The following SYNJ2 variants were observed in gnomAD, a reference collection of about 807,000 sequenced individuals.
The protein encoded by SYNJ2 is synaptojanin 2.
A neutral mutation model predicts 141.3 loss-of-function variants in SYNJ2; 116 were observed. The observed-to-expected ratio is 0.82, with a 90% confidence interval of 0.71 to 0.96. SYNJ2 has a LOEUF of 0.96. SYNJ2 is among the 40% of genes least tolerant of loss of function. The pLI is 0.00. For missense variants in SYNJ2, 1,873 were observed against 1,934.8 expected (o/e 0.97, Z 0.60); for synonymous variants, 745 against 777.7 (o/e 0.96, Z 0.70).
chr6:158,066,312 A>G lies in SYNJ2; in HGVS notation c.1526-132A>G. 6.0e-6 allele frequency: 6 copies of G among 1,006,040 alleles called. No homozygotes were observed. In the South Asian group the frequency reaches 9.7e-5, roughly 16 times the overall value. 62.3% of individuals were successfully genotyped at this position (1,006,040 alleles called of 1,614,324 possible). A position where few individuals can be genotyped will look rare whatever the true frequency, so the allele number is the denominator to read the frequency against. ...TTTTAAGCCTTTTGTCGTCTTCGTA[A>G]GGAGCATACCCTGGTTTATCTCTAG... is the stretch of plus-strand genomic sequence containing the variant. On this transcript the variant is annotated intron_variant, in intron 11 of 26. Coordinates refer to ENST00000355585, the MANE Select transcript of SYNJ2 (RefSeq NM_003898.4).
intron 1 of SYNJ2, among the ~76,000 whole-genome samples, chr6:157,984,219 C>T (rs1053767526): frequency 3.3e-5 from 5 of 152,196 alleles, no homozygotes; most frequent in Non-Finnish European, 7.3e-5. Flanking sequence ...CATTTGGTGG[C>T]TTTGCTGGTC....
rs770669836 is a variant in SYNJ2 at position 158,043,326 on chromosome 6, T to C, written c.722T>C (p.Met241Thr). The C allele has an allele frequency of 8.7e-6, 14 of 1,613,964 alleles. 1 individual carries two copies. Among genetic ancestry groups the C allele is most frequent in the South Asian group, 3.3e-5 (3 of 91,090 alleles). The change falls in exon 5 of 27, where the codon ATG becomes ACG. Residue 241 changes from methionine (M) to threonine (T), a missense_variant. Met to Thr is a moderately conservative substitution (Grantham distance 81, BLOSUM62 -1). Transcript: ENST00000355585. The surrounding 1 kb of genome is among the most constrained non-coding windows in gnomAD (Gnocchi z 4.0). ...TTCCTTGTGCCGCAGATGATTTACA[T>C]GGACGATGGAGTGTCATCTTTTGTC... ...NFVETEQMIY[M>T]DDGVSSFVQI...
In SYNJ2 at chr6:158,084,153, A is replaced by C. The variant is rs749632069; in HGVS notation, c.3187A>C (p.Lys1063Gln). Residue 1063 changes from lysine to glutamine, a missense_variant, in exon 22 of 27, where the codon AAG becomes CAG. Transcript: ENST00000355585. This position sits in a 1 kb window ranked among gnomAD's most constrained non-coding sequence, Gnocchi z 5.0. ...PSKSPALTKK[K>Q]QHPTYKDDAD... ...CAAGTCACCTGCTCTCACCAAAAAG[A>C]AGCAGCATCCAACGTACAAAGGTAG... The C allele has an allele frequency of 5.6e-6, 9 of 1,614,040 alleles. No homozygotes were observed. Among genetic ancestry groups the C allele is most frequent in the East Asian group, 2.2e-5 (1 of 44,882 alleles).
At chr6:157,986,078 C>T (rs1002652949) in intron 1 of SYNJ2, among the ~76,000 whole-genome samples, 4 of 152,126 alleles carry the variant, frequency 2.6e-5, no homozygotes, top group African/African-American at 7.2e-5. Context: ...TATTTGGTCA[C>T]GGACTGGAAT....
chr6:158,064,936 C>A lies in SYNJ2; in HGVS notation c.1470C>A (p.Tyr490Ter). 1 of 1,612,906 alleles carries A rather than the reference C, an allele frequency of 6.2e-7. No individual in the cohort carries two copies. The highest frequency in any genetic ancestry group is 8.5e-7 in the Non-Finnish European group (1 of 1,179,490). The change falls in exon 11 of 27, where the codon TAC becomes TAA. Residue 490 changes from tyrosine to a stop codon, truncating the protein, a stop_gained. Transcript: ENST00000355585. LOFTEE classifies it high-confidence loss of function. Reference protein sequence around the residue: ...AIKLLLVGDVYGEEVADKGGM... With the variant: ...AIKLLLVGDV The stretch of plus-strand genomic sequence containing the variant: ...AGCTGCTGCTGGTTGGGGACGTCTA[C>A]GGCGAGGAGGTGGCAGACAAAGGGG...
intron 5 of SYNJ2, among the ~76,000 whole-genome samples, chr6:158,047,324 C>T (rs2257191): frequency 0.37 from 56,326 of 151,884 alleles, 10,901 homozygotes; most frequent in African/African-American, 0.39. Flanking sequence ...AGCTTTGAAG[C>T]GACGCAGACC....
chr6:158,059,755 A>G (rs1781096185), intron 7 of SYNJ2, among the ~76,000 whole-genome samples: 1 of 152,044 alleles, frequency 6.6e-6, no homozygotes, highest in African/African-American at 2.4e-5. Flanking sequence ...GGGTTTCACC[A>G]TGTTGTTCAG....
In SYNJ2 at chr6:158,084,283, C is replaced by G; in HGVS notation, c.3208+109C>G. 1.5e-6 allele frequency: 2 copies of G among 1,291,740 alleles called. No individual in the cohort carries two copies. The highest frequency in any genetic ancestry group is 1.1e-6 in the Non-Finnish European group (1 of 941,724). 80.0% of individuals were successfully genotyped at this position (1,291,740 alleles called of 1,614,324 possible). A position where few individuals can be genotyped will look rare whatever the true frequency, so the allele number is the denominator to read the frequency against. On this transcript the variant is annotated intron_variant, in intron 22 of 26. Transcript: ENST00000355585. This position sits in a 1 kb window ranked among gnomAD's most constrained non-coding sequence, Gnocchi z 5.0. ...ACTGTGTGATATCAAGTATGCAGGT[C>G]CCAGGAGAGACCTCAACCAGGCAGG...
intron 20 of SYNJ2, 32 bp downstream of exon 20, chr6:158,081,542 G>A: frequency 6.3e-7 from 1 of 1,592,658 alleles, no homozygotes; most frequent in Non-Finnish European, 8.6e-7. Context: ...TGTGGAGTGG[G>A]GTCTGATCAA....
At chr6:158,083,881 C>A (rs1181174684) in intron 21 of SYNJ2, 120 bp from the exon 22 acceptor site, 6 of 1,230,174 alleles carry the variant, frequency 4.9e-6, no homozygotes, top group African/African-American at 4.5e-5. Flanking sequence ...CGCCTGGGCC[C>A]TGAGCTGCAG....
rs568942780 is a variant in SYNJ2, at chr6:158,076,902, G to C, written c.2449+120G>C. 4.7e-6 allele frequency: 6 copies of C among 1,287,396 alleles called. No homozygotes were observed. The South Asian group carries it at 8.1e-5, about 17-fold the overall frequency. 79.7% of individuals were successfully genotyped at this position (1,287,396 alleles called of 1,614,324 possible). ...ATAAATCAGTTTCTTCATAACCCCA[G>C]ATGACACAAAAGTCATCCCAGACCT... is the stretch of plus-strand genomic sequence containing the variant. On this transcript the variant is annotated intron_variant, in intron 17 of 26. Transcript: ENST00000355585.
intron 16 of SYNJ2, among the ~76,000 whole-genome samples, chr6:158,075,673 A>G (rs1782239142): frequency 6.6e-6 from 1 of 151,976 alleles, no homozygotes; most frequent in South Asian, 2.1e-4. Flanking sequence ...AGGGCAGATA[A>G]GGTCTCTCCT....
At chr6:158,054,855 A>G (rs112068230) in intron 5 of SYNJ2, 112 bp from the exon 6 acceptor site, 218 of 1,055,226 alleles carry the variant, frequency 2.1e-4, no homozygotes, top group African/African-American at 2.0e-3. Flanking sequence ...GAGGTGGCCT[A>G]GTGGGTGCCA....
At position 158,026,149 on chromosome 6, in the gene SYNJ2, T is replaced by G. The variant is rs372347310; in HGVS notation, c.215-2607T>G. On this transcript the variant is annotated intron_variant, in intron 2 of 26. Transcript: ENST00000355585. ...GCTTGGGCGGGTGATTCAGCTTCCC[T>G]GGGGGACAGTCATGCGTGTGTGAAA... 8.5e-5 allele frequency among the ~76,000 whole-genome samples: 13 copies of G among 152,166 alleles called. No individual in the cohort carries two copies. In the East Asian group the frequency reaches 1.3e-3, roughly 16 times the overall value.
rs1779888880 is a variant in SYNJ2 at position 158,040,519 on chromosome 6, TC to T, written c.712-2793del. Reference sequence around the variant, plus strand: ...CACACAGAAAAACAAGACCAAAAAGTCCCCTCAGTCTATTAAAAAAAAAAAA... The same window carrying T: ...CACACAGAAAAACAAGACCAAAAAGTCCCTCAGTCTATTAAAAAAAAAAAA... On this transcript the variant is annotated intron_variant, in intron 4 of 26. Coordinates refer to ENST00000355585, the MANE Select transcript of SYNJ2 (RefSeq NM_003898.4). This position sits in a 1 kb window ranked among gnomAD's most constrained non-coding sequence, Gnocchi z 4.2. 6.7e-6 allele frequency among the ~76,000 whole-genome samples: 1 copy of T among 148,744 alleles called. No individual in the cohort carries two copies. Among genetic ancestry groups the T allele is most frequent in the Admixed American group, 6.7e-5 (1 of 14,996 alleles).
chr6:158,038,701 G>A (rs1414036721), intron 4 of SYNJ2, among the ~76,000 whole-genome samples: 2 of 152,244 alleles, frequency 1.3e-5, no homozygotes, highest in Non-Finnish European at 2.9e-5. Flanking sequence ...GGGCATGGGG[G>A]GCAGTGGTGG....
At chr6:158,069,781 G>T (rs555241448) in intron 14 of SYNJ2, 108 bp downstream of exon 14, 1 of 1,323,146 alleles carries the variant, frequency 7.6e-7, no homozygotes, top group Non-Finnish European at 1.0e-6. Context: ...AACAGGAATC[G>T]GGACTTACCA....
At chr6:158,051,861 T>G (rs1031709210) in intron 5 of SYNJ2, among the ~76,000 whole-genome samples, 1 of 145,054 alleles carries the variant, frequency 6.9e-6, no homozygotes, top group Non-Finnish European at 1.5e-5. Flanking sequence ...GAGGCTGAGG[T>G]GGGAGGATCA....
chr6:158,025,624 C>T (rs1159974616), intron 2 of SYNJ2, among the ~76,000 whole-genome samples: 1 of 152,044 alleles, frequency 6.6e-6, no homozygotes, highest in East Asian at 1.9e-4. Flanking sequence ...TGCACCACTC[C>T]ACTCCAGCCT....
Sources: gnomAD v4.1 joint callset for allele counts (sites outside exome capture counted in the v4.1 genomes callset) on GRCh38, gnomAD v4.1.1 for gene constraint, Gnocchi (gnomAD v3.1) non-coding constraint, MANE v1.5 for transcripts, NCBI Gene and HGNC (gene_info 2026-07-23, HGNC 2026-07-21) for gene names.